Variants in LRMDA observed in about 807,000 individuals in gnomAD.
The protein encoded by LRMDA is leucine rich melanocyte differentiation associated, also known as leucine-rich melanocyte differentiation-associated protein.
LRMDA carries 18 observed loss-of-function variants against 29.8 expected under a neutral mutation model. The ratio of observed to expected loss-of-function variants is 0.60; its 90% CI spans 0.42 to 0.90. The LOEUF is 0.90. Ranked by LOEUF, LRMDA falls within the 40% of genes least tolerant of loss-of-function variation. The pLI is 0.00. For synonymous variants in LRMDA, 125 were observed against 109.4 expected, an observed-to-expected ratio of 1.14 and a Z score of -0.89; for missense variants, 273 against 273.9, an observed-to-expected ratio of 1.00 and a Z score of 0.02.
chr10:76,524,985 G>A (rs377525175), intron 6 of LRMDA, among the ~76,000 whole-genome samples: 4 of 152,166 alleles, frequency 2.6e-5, no homozygotes, highest in East Asian at 1.9e-4. Context: ...AAAGGATATC[G>A]TGTTTTTAAT....
chr10:75,453,202 CAG>C (rs565300477), intron 2 of LRMDA, among the ~76,000 whole-genome samples: 22 of 152,304 alleles, frequency 1.4e-4, no homozygotes, highest in African/African-American at 3.4e-4. Context: ...CCTTCAGAGA[CAG>C]AGAGAGAAAA....
At chr10:76,074,617 A>C (rs529952793) in intron 5 of LRMDA, among the ~76,000 whole-genome samples, 25 of 152,246 alleles carry the variant, frequency 1.6e-4, no homozygotes, top group African/African-American at 5.5e-4. Flanking sequence ...AAGTCAGAGG[A>C]GGTTCTGGGG....
At chr10:76,133,754 G>A (rs80308592) in intron 5 of LRMDA, among the ~76,000 whole-genome samples, 2,108 of 152,308 alleles carry the variant, frequency 0.014, 54 homozygotes, top group African/African-American at 0.048. Flanking sequence ...CTGCGGCACT[G>A]AAGTACACTT....
intron 2 of LRMDA, among the ~76,000 whole-genome samples, chr10:75,746,754 G>A (rs1842896456): frequency 6.6e-6 from 1 of 152,034 alleles, no homozygotes. Context: ...TTTTGACATG[G>A]CCCTTATGGA....
At chr10:76,337,281 C>T (rs892410563) in intron 6 of LRMDA, among the ~76,000 whole-genome samples, 1 of 152,076 alleles carries the variant, frequency 6.6e-6, no homozygotes, top group South Asian at 2.1e-4. Flanking sequence ...ATGTTCTAGT[C>T]AGAGAGAGGA....
chr10:75,682,122 T>A (rs984660653), intron 2 of LRMDA, among the ~76,000 whole-genome samples: 1 of 152,192 alleles, frequency 6.6e-6, no homozygotes, highest in African/African-American at 2.4e-5. Flanking sequence ...ATGCAAGACC[T>A]AGGTTGAAAT....
chr10:76,506,911 G>T (rs541018712), intron 6 of LRMDA, among the ~76,000 whole-genome samples: 2 of 152,058 alleles, frequency 1.3e-5, no homozygotes, highest in African/African-American at 4.8e-5. Flanking sequence ...GAATAGTGTT[G>T]CAACAAATAT....
At chr10:76,028,562 T>TTAAGAAAGAGATA (rs1490864464) in intron 2 of LRMDA, among the ~76,000 whole-genome samples, 1 of 152,136 alleles carries the variant, frequency 6.6e-6, no homozygotes, top group Non-Finnish European at 1.5e-5. Flanking sequence ...TTAATATCTC[T>TTAAGAAAGAGATA]TTAGGGTCCT....
intron 6 of LRMDA, among the ~76,000 whole-genome samples, chr10:76,531,254 C>T (rs987488815): frequency 3.3e-5 from 5 of 152,062 alleles, no homozygotes; most frequent in African/African-American, 9.7e-5. Context: ...AGTAATGGAT[C>T]GTTAGGATCA....
chr10:75,527,421 G>A (rs1019915392), intron 2 of LRMDA, among the ~76,000 whole-genome samples: 3 of 152,002 alleles, frequency 2.0e-5, no homozygotes, highest in African/African-American at 7.2e-5. Context: ...AAAATTGATA[G>A]GTCATATCAT....
chr10:75,535,207 G>A (rs1177174832), intron 2 of LRMDA, among the ~76,000 whole-genome samples: 1 of 151,692 alleles, frequency 6.6e-6, no homozygotes, highest in African/African-American at 2.4e-5. Context: ...TTCCATATCA[G>A]GATTGCACTG....
chr10:75,811,506 G>A (rs1019433748), intron 2 of LRMDA, among the ~76,000 whole-genome samples: 8 of 152,128 alleles, frequency 5.3e-5, no homozygotes, highest in Non-Finnish European at 8.8e-5. Flanking sequence ...GCCTAGGCAC[G>A]GACTCAGGAT....
At chr10:76,264,965 C>G (rs1298664616) in intron 5 of LRMDA, among the ~76,000 whole-genome samples, 2 of 152,178 alleles carry the variant, frequency 1.3e-5, no homozygotes, top group East Asian at 3.9e-4. Flanking sequence ...GGGCCTGACA[C>G]CTTTCAAAAG....
At chr10:76,059,467 A>G (rs542435573) in intron 5 of LRMDA, among the ~76,000 whole-genome samples, 1 of 152,298 alleles carries the variant, frequency 6.6e-6, no homozygotes, top group Admixed American at 6.5e-5. Flanking sequence ...AAGGACATGG[A>G]TGACTATCTC....
intron 5 of LRMDA, among the ~76,000 whole-genome samples, chr10:76,144,415 G>A (rs1333205768): frequency 6.6e-6 from 1 of 151,968 alleles, no homozygotes; most frequent in East Asian, 1.9e-4. Context: ...CACATCCCTT[G>A]TAAGTTGGAT....
chr10:76,001,556 A>G (rs1354250855), intron 2 of LRMDA, among the ~76,000 whole-genome samples: 1 of 152,182 alleles, frequency 6.6e-6, no homozygotes, highest in Non-Finnish European at 1.5e-5. Flanking sequence ...GTTGATTTGC[A>G]CTTAACTGAC....
chr10:75,564,123 C>T (rs572119922), intron 2 of LRMDA, among the ~76,000 whole-genome samples: 3 of 152,328 alleles, frequency 2.0e-5, no homozygotes, highest in South Asian at 4.1e-4. Context: ...TTGTCTGTGC[C>T]CTGCCCCTAG....
At chr10:76,507,930 A>G (rs1024548110) in intron 6 of LRMDA, among the ~76,000 whole-genome samples, 1 of 152,148 alleles carries the variant, frequency 6.6e-6, no homozygotes, top group Non-Finnish European at 1.5e-5. Flanking sequence ...AGGCAGTGTA[A>G]TGCCTCCAGC....
At chr10:76,519,926 A>T (rs1264119283) in intron 6 of LRMDA, among the ~76,000 whole-genome samples, 1 of 152,210 alleles carries the variant, frequency 6.6e-6, no homozygotes, top group African/African-American at 2.4e-5. Flanking sequence ...TAAGTTTGTA[A>T]TTTGGGTTTT....
Sources: allele counts gnomAD v4.1 joint callset (sites outside exome capture counted in the v4.1 genomes callset), GRCh38; gene constraint gnomAD v4.1.1; transcripts MANE v1.5; gene names NCBI Gene and HGNC (gene_info 2026-07-23, HGNC 2026-07-21).